The following AVEN variants were observed in gnomAD, a reference collection of about 807,000 sequenced individuals.
The protein encoded by AVEN is cell death regulator Aven.
A neutral mutation model predicts 38.1 loss-of-function variants in AVEN; 41 were observed. The observed-to-expected ratio is 1.08, with a 90% confidence interval of 0.84 to 1.40. The LOEUF (loss-of-function observed/expected upper bound fraction) is 1.40. AVEN is among the 40% of genes most tolerant of loss of function. The pLI is 0.00. For synonymous variants in AVEN, 206 were observed against 171.8 expected, an observed-to-expected ratio of 1.20 and a Z score of -1.56; for missense variants, 605 against 438.8, an observed-to-expected ratio of 1.38 and a Z score of -3.38.
At chr15:34,067,806 A>C (rs1230488987) in intron 2 of AVEN, among the ~76,000 whole-genome samples, 4 of 152,172 alleles carry the variant, frequency 2.6e-5, no homozygotes. Context: ...TCAACTATTT[A>C]AAGAGTCGGT....
At chr15:34,011,376 T>C (rs1300397484) in intron 1 of AVEN, among the ~76,000 whole-genome samples, 6 of 152,208 alleles carry the variant, frequency 3.9e-5, no homozygotes. Flanking sequence ...ATGTTGTATA[T>C]TAAATAAGAT....
intron 4 of AVEN, among the ~76,000 whole-genome samples, chr15:33,868,627 A>G (rs1890804131): frequency 6.6e-6 from 1 of 152,116 alleles, no homozygotes; most frequent in Admixed American, 6.5e-5. Context: ...GCACTAATAT[A>G]AAGGTGCAGT....
exon 2 of AVEN, among the ~76,000 whole-genome samples, chr15:34,070,631 A>G (rs2140856645): frequency 6.6e-6 from 1 of 152,244 alleles, no homozygotes; most frequent in South Asian, 2.1e-4. Context: ...AGAGCTCTCC[A>G]TTGAGCTAAG....
At chr15:33,976,474 A>G (rs1895894507) in intron 2 of AVEN, among the ~76,000 whole-genome samples, 1 of 152,272 alleles carries the variant, frequency 6.6e-6, no homozygotes, top group Non-Finnish European at 1.5e-5. Flanking sequence ...CAGCTTTAAT[A>G]TAAATTTCTG....
downstream of AVEN, chr15:33,857,800 C>T (rs374667875): frequency 1.5e-5 from 24 of 1,613,982 alleles, no homozygotes; most frequent in Middle Eastern, 4.9e-4. Context: ...CTGTCGGTCT[C>T]CTGGCCGTGG....
chr15:34,066,068 G>C (rs1351739214), exon 4 of AVEN: 1 of 152,296 alleles, frequency 6.6e-6, no homozygotes, highest in Admixed American at 6.5e-5. Flanking sequence ...TCTCAGGCAG[G>C]ACGGGACTGG....
intron 2 of AVEN, among the ~76,000 whole-genome samples, chr15:33,961,745 G>T (rs540695234): frequency 6.7e-6 from 1 of 148,758 alleles, no homozygotes; most frequent in Non-Finnish European, 1.5e-5. Flanking sequence ...CCCGGGAGGC[G>T]GAGCTTGCAG....
intron 2 of AVEN, among the ~76,000 whole-genome samples, chr15:33,949,180 C>T (rs917190749): frequency 5.9e-5 from 9 of 152,134 alleles, no homozygotes; most frequent in Middle Eastern, 3.4e-3. Flanking sequence ...CCCGCCACCA[C>T]GCCCGGCTAA....
In AVEN at chr15:33,866,586, T is replaced by G; in HGVS notation, c.*27A>C. ...CCTGCCGTTAGAAGGCAACCAAGATTTGCTTCAGGCACTTTTTTTCCCCTT... is the reference window on the plus strand; with the variant it reads ...CCTGCCGTTAGAAGGCAACCAAGATGTGCTTCAGGCACTTTTTTTCCCCTT... On this transcript the variant is annotated 3_prime_UTR_variant, in exon 6 of 6. Transcript: ENST00000306730. 6.3e-7 allele frequency: 1 copy of G among 1,580,660 alleles called. No individual in the cohort carries two copies. The highest frequency in any genetic ancestry group is 8.7e-7 in the Non-Finnish European group (1 of 1,150,794).
chr15:33,854,842 T>C (rs768624366), downstream of AVEN: 1 of 1,613,920 alleles, frequency 6.2e-7, no homozygotes, highest in South Asian at 1.1e-5. Context: ...GCTGCTCACC[T>C]ATTGGACATC....
chr15:33,870,146 G>T (rs1223040287), intron 4 of AVEN, among the ~76,000 whole-genome samples: 1 of 151,962 alleles, frequency 6.6e-6, no homozygotes, highest in East Asian at 1.9e-4. Context: ...CCTGTTAATT[G>T]TACCTTTGAA....
downstream of AVEN, chr15:33,853,831 C>G (rs948534025): frequency 3.1e-6 from 3 of 976,494 alleles, no homozygotes; most frequent in Non-Finnish European, 4.4e-6. Context: ...TGGGAGAGCA[C>G]TGCCTTAAAA....
At chr15:34,020,489 C>T (rs893418644) in intron 1 of AVEN, among the ~76,000 whole-genome samples, 1 of 152,112 alleles carries the variant, frequency 6.6e-6, no homozygotes, top group African/African-American at 2.4e-5. Flanking sequence ...TGGTTTAAGC[C>T]TCTAAGCACC....
At chr15:34,057,575 T>G (rs1359441465) in intron 5 of AVEN, among the ~76,000 whole-genome samples, 2 of 152,154 alleles carry the variant, frequency 1.3e-5, no homozygotes, top group East Asian at 3.9e-4. Flanking sequence ...GTAAGGACTG[T>G]TTTTATCCCC....
intron 1 of AVEN, among the ~76,000 whole-genome samples, chr15:34,008,720 C>T (rs954164615): frequency 6.6e-6 from 1 of 151,942 alleles, no homozygotes; most frequent in Non-Finnish European, 1.5e-5. Context: ...AATCTCCTGA[C>T]CTCGTGATCT....
intron 1 of AVEN, among the ~76,000 whole-genome samples, chr15:34,070,924 T>A (rs1360188331): frequency 6.6e-6 from 1 of 152,202 alleles, no homozygotes; most frequent in Non-Finnish European, 1.5e-5. Context: ...GATCTGTGAT[T>A]AGGCAAAGAA....
rs1189008942 is a variant in AVEN, at chr15:33,904,706, T to C, written c.446-28711A>G. ...TTAAAAAAAAAAAAATATATATATA[T>C]ATATATATATACACACACACACGAA... On this transcript the variant is annotated intron_variant, in intron 2 of 5. Transcript: ENST00000306730. Among the ~76,000 whole-genome samples the C allele has an allele frequency of 4.8e-3, 487 of 101,406 alleles. 2 individuals carry two copies. The highest frequency in any genetic ancestry group is 6.6e-3 in the Non-Finnish European group (314 of 47,314). The allele number at this position is 101,406 out of a possible 152,430, so 66.5% of individuals were successfully genotyped here.
chr15:33,940,472 G>A (rs957653381), intron 2 of AVEN, among the ~76,000 whole-genome samples: 3 of 152,068 alleles, frequency 2.0e-5, no homozygotes, highest in African/African-American at 4.8e-5. Context: ...AAAGTATGCC[G>A]GTCATACCTA....
chr15:33,877,634 G>C (rs1891301299), intron 2 of AVEN, among the ~76,000 whole-genome samples: 1 of 152,160 alleles, frequency 6.6e-6, no homozygotes, highest in Non-Finnish European at 1.5e-5. Flanking sequence ...GACCAACATG[G>C]TGAAACCTCA....
Sources: allele counts gnomAD v4.1 joint callset (sites outside exome capture counted in the v4.1 genomes callset), GRCh38; gene constraint gnomAD v4.1.1; transcripts MANE v1.5; gene names NCBI Gene and HGNC (gene_info 2026-07-23, HGNC 2026-07-21).